The following NBPF8 variants were observed in gnomAD, a reference collection of about 807,000 sequenced individuals.
The protein encoded by NBPF8 is NBPF family member NBPF8.
exon 13 of NBPF8, chr1:120,452,132 G>A: frequency 1.2e-6 from 2 of 1,605,664 alleles, no homozygotes; most frequent in Middle Eastern, 2.3e-4. Context: ...ATAAAGTCCT[G>A]GTTCACACTC....
exon 1 of NBPF8, chr1:120,436,565 A>G: frequency 6.4e-7 from 1 of 1,552,982 alleles, no homozygotes. Flanking sequence ...GAAGGCAGAG[A>G]TGAACATTCT....
At chr1:120,428,120 G>C (rs1660771649) in intron 3 of NBPF8, among the ~76,000 whole-genome samples, 2 of 151,902 alleles carry the variant, frequency 1.3e-5, no homozygotes, top group East Asian at 3.8e-4. Flanking sequence ...TTTTTAAGAT[G>C]ATACGGTTTA....
chr1:120,461,068 TTCTC>T (rs1661576209), intron 18 of NBPF8, among the ~76,000 whole-genome samples, 182 bp from the exon 17 acceptor site: 1 of 121,512 alleles, frequency 8.2e-6, no homozygotes, highest in Non-Finnish European at 1.9e-5. Flanking sequence ...GTGTGTGTCT[TTCTC>T]TTTCATCCTT....
intron 18 of NBPF8, 99 bp downstream of exon 16, chr1:120,460,723 G>C (rs1262030308): frequency 1.1e-5 from 10 of 949,306 alleles, no homozygotes; most frequent in African/African-American, 6.4e-5. Flanking sequence ...ATTTTGTCTT[G>C]TCAGACAAGT....
chr1:120,433,020 A>G (rs1660928369), upstream of NBPF8: 1 of 152,222 alleles, frequency 6.6e-6, no homozygotes. Context: ...TTAACAATAC[A>G]TGCAATGAAG....
upstream of NBPF8, chr1:120,436,263 C>T: frequency 2.7e-6 from 2 of 744,386 alleles, no homozygotes; most frequent in East Asian, 2.6e-5. Flanking sequence ...CACAATCTAC[C>T]TCACTCTTAT....
chr1:120,436,597 C>T (rs1204170614), exon 1 of NBPF8: 5 of 1,606,212 alleles, frequency 3.1e-6, no homozygotes, highest in Admixed American at 3.3e-5. Flanking sequence ...AGAAATTGCG[C>T]CCCCAGTTGG....
intron 3 of NBPF8, among the ~76,000 whole-genome samples, chr1:120,428,460 G>T (rs1660783362): frequency 6.6e-6 from 1 of 151,856 alleles, no homozygotes; most frequent in Non-Finnish European, 1.5e-5. Context: ...AGCAGGGATG[G>T]GTCTGCCTTC....
At chr1:120,436,291 G>A (rs1661072416), upstream of NBPF8, 3 of 1,049,652 alleles carry the variant, frequency 2.9e-6, no homozygotes, top group South Asian at 1.5e-5. Flanking sequence ...TGAGCTACTG[G>A]CAGTGCTTTC....
At chr1:120,431,502 T>C (rs1553247063), upstream of NBPF8, among the ~76,000 whole-genome samples, 1 of 150,840 alleles carries the variant, frequency 6.6e-6, no homozygotes, top group Non-Finnish European at 1.5e-5. Context: ...GAAAAGAAGA[T>C]ACATGAATGG....
At chr1:120,461,016 CTGTGTGTGTGTGTGTGTGTG>C (rs202089337) in intron 18 of NBPF8, among the ~76,000 whole-genome samples, 174 of 131,272 alleles carry the variant, frequency 1.3e-3, no homozygotes, top group South Asian at 4.4e-3. Flanking sequence ...TGAGCTCGAA[CTGTGTGTGTGTGTGTGTGTG>C]TGTGTGTGTG....
At position 120,466,179 on chromosome 1, in the gene NBPF8, T is replaced by C. The variant is rs1182692616; in HGVS notation, n.3770T>C. ...GGTTCTTTACTTTGACGGTGACAAG[T>C]CTCTATCTGGTCTTCCAGATGGGAG... On this transcript the variant is annotated non_coding_transcript_exon_variant, in exon 25 of 25. Coordinates refer to ENST00000583271, the Ensembl canonical transcript of NBPF8. 5.0e-6 allele frequency: 8 copies of C among 1,609,582 alleles called. 1 individual carries two copies. The Admixed American group carries it at 1.2e-4, about 23-fold the overall frequency.
chr1:120,422,634 G>T (rs1400950365), intron 1 of NBPF8, among the ~76,000 whole-genome samples: 1 of 145,640 alleles, frequency 6.9e-6, no homozygotes, highest in African/African-American at 2.7e-5. Flanking sequence ...CATTCACTTG[G>T]TGAAAGATGT....
upstream of NBPF8, among the ~76,000 whole-genome samples, chr1:120,435,849 G>A (rs1470561600): frequency 2.8e-3 from 427 of 151,492 alleles, 18 homozygotes; most frequent in East Asian, 0.074. Flanking sequence ...CTGGGAGACA[G>A]AGTGAGACTC....
intron 17 of NBPF8, among the ~76,000 whole-genome samples, chr1:120,460,061 C>T (rs1454232021): frequency 1.3e-5 from 2 of 152,076 alleles, no homozygotes; most frequent in African/African-American, 2.4e-5. Context: ...CGTCATGTTC[C>T]TGGTATGTTT....
At chr1:120,433,634 T>A (rs1366061114), upstream of NBPF8, 1 of 172,612 alleles carries the variant, frequency 5.8e-6, no homozygotes, top group South Asian at 1.7e-4. Flanking sequence ...AGCGGTGGAG[T>A]GGAAGGAACA....
At chr1:120,462,923 C>T in exon 21 of NBPF8, 2 of 476,904 alleles carry the variant, frequency 4.2e-6, no homozygotes, top group Non-Finnish European at 7.1e-6. Flanking sequence ...GTGCTGTTTA[C>T]TCATTGGAGG....
At position 120,430,464 on chromosome 1, in the gene NBPF8, A is replaced by G. The variant is rs1239642894; in HGVS notation, n.510+2617A>G. 7.4e-5 allele frequency among the ~76,000 whole-genome samples: 8 copies of G among 108,642 alleles called. 1 individual carries two copies. Among genetic ancestry groups the G allele is most frequent in the Non-Finnish European group, 1.3e-4 (7 of 53,346 alleles). The allele number at this position is 108,642 out of a possible 152,430, so 71.3% of individuals were successfully genotyped here. On this transcript the variant is annotated intron_variant and non_coding_transcript_variant, in intron 3 of 28. Coordinates refer to the NBPF8 transcript ENST00000652355. Reference sequence around the variant, plus strand: ...TAAATACATGTTGTGCTTATAAACAAATTCAACAGACGGGGCACCGTGGCT... The same window carrying G: ...TAAATACATGTTGTGCTTATAAACAGATTCAACAGACGGGGCACCGTGGCT...
upstream of NBPF8, among the ~76,000 whole-genome samples, chr1:120,415,133 C>T (rs1182370833): frequency 1.8e-4 from 27 of 152,264 alleles, 2 homozygotes; most frequent in African/African-American, 5.5e-4. Context: ...CGCGAGGCTG[C>T]GTGAGCATCT....
Sources: allele counts gnomAD v4.1 joint callset (sites outside exome capture counted in the v4.1 genomes callset), GRCh38; gene constraint gnomAD v4.1.1; transcripts MANE v1.5; gene names NCBI Gene and HGNC (gene_info 2026-07-23, HGNC 2026-07-21).